PSORS1C1: variants seen among roughly 807,000 people sequenced by gnomAD.
PSORS1C1 encodes the protein psoriasis susceptibility 1 candidate gene 1 protein.
Under a neutral mutation model 9.4 loss-of-function variants are expected in PSORS1C1, and 7 were observed. That is an observed-to-expected ratio of 0.75 (90% CI 0.42 to 1.40). The LOEUF (loss-of-function observed/expected upper bound fraction) is 1.40, where lower values mean the gene tolerates loss of function less well. PSORS1C1 is among the 40% of genes most tolerant of loss of function. PSORS1C1 has a pLI of 0.01. For missense variants in PSORS1C1, 146 were observed against 178.1 expected (o/e 0.82, Z 1.02); for synonymous variants, 63 against 69.4 (o/e 0.91, Z 0.46).
chr6:31,128,498 G>A lies in PSORS1C1; in HGVS notation c.-64-1071G>A, dbSNP rs943250870. Reference sequence around the variant, plus strand: ...CCTGCCTGCCCCCATCACAGGAGTTGAGATTATACTGCAAAAGGAAAGGTG... The same window carrying A: ...CCTGCCTGCCCCCATCACAGGAGTTAAGATTATACTGCAAAAGGAAAGGTG... On this transcript the variant is annotated intron_variant, in intron 2 of 5. Transcript: ENST00000259881. This position sits in a 1 kb window ranked among gnomAD's most constrained non-coding sequence, Gnocchi z 4.3. 1.1e-4 allele frequency among the ~76,000 whole-genome samples: 17 copies of A among 152,042 alleles called. No individual in the cohort carries two copies. The highest frequency in any genetic ancestry group is 2.1e-4 in the Non-Finnish European group (14 of 68,008).
chr6:31,120,745 C>T (rs901267715), intron 1 of PSORS1C1, among the ~76,000 whole-genome samples: 8 of 152,152 alleles, frequency 5.3e-5, no homozygotes, highest in African/African-American at 1.7e-4. Flanking sequence ...CACTCTGGGG[C>T]GGCCACTCTT....
At position 31,139,209 on chromosome 6, in the gene PSORS1C1, C is replaced by T. The variant is rs1363430173; in HGVS notation, c.167+430C>T. The T allele has an allele frequency of 3.3e-6, 2 of 600,086 alleles. No homozygotes were observed. The highest frequency in any genetic ancestry group is 5.9e-6 in the Non-Finnish European group (2 of 337,640). 37.2% of individuals were successfully genotyped at this position (600,086 alleles called of 1,614,324 possible). On this transcript the variant is annotated intron_variant, in intron 5 of 5. Transcript: ENST00000259881. This position sits in a 1 kb window ranked among gnomAD's most constrained non-coding sequence, Gnocchi z 5.2. ...ATGTGTCACCCCTGAAGGTGGCGTC[C>T]CTTATTTTAGTCCTCCAGCCCAGGA...
At chr6:31,127,818 A>AC (rs1772749400) in intron 2 of PSORS1C1, among the ~76,000 whole-genome samples, 1 of 115,152 alleles carries the variant, frequency 8.7e-6, no homozygotes, top group African/African-American at 3.6e-5. Context: ...CTGTCTCAAA[A>AC]AAACACACAT....
intron 1 of PSORS1C1, chr6:31,116,473 C>T (rs1472190541): frequency 1.2e-6 from 2 of 1,602,186 alleles, no homozygotes; most frequent in Non-Finnish European, 1.7e-6. Context: ...GGAGCCGCCT[C>T]CACAGAGCTG....
chr6:31,124,986 A>G (rs3094201), intron 1 of PSORS1C1, among the ~76,000 whole-genome samples: 78,085 of 151,460 alleles, frequency 0.52, 21,323 homozygotes, highest in African/African-American at 0.69. Context: ...AAAGTGAAGA[A>G]TTCTTAAGTG....
At chr6:31,123,481 G>T (rs1243474989) in intron 1 of PSORS1C1, among the ~76,000 whole-genome samples, 2 of 152,218 alleles carry the variant, frequency 1.3e-5, no homozygotes, top group African/African-American at 2.4e-5. Context: ...TGCCAGTTTG[G>T]TGACGTCCAC....
chr6:31,116,959 C>T (rs1276856810), intron 1 of PSORS1C1: 2 of 1,614,186 alleles, frequency 1.2e-6, no homozygotes, highest in South Asian at 1.1e-5. Flanking sequence ...GATGTCCGAA[C>T]TACAGGGACG....
At position 31,128,427 on chromosome 6, in the gene PSORS1C1, C is replaced by T. The variant is rs913655127; in HGVS notation, c.-64-1142C>T. Among the ~76,000 whole-genome samples, 1 of 152,076 alleles carries T rather than the reference C, an allele frequency of 6.6e-6. No individual in the cohort carries two copies. Among genetic ancestry groups the T allele is most frequent in the Admixed American group, 6.6e-5 (1 of 15,250 alleles). On this transcript the variant is annotated intron_variant, in intron 2 of 5. Transcript: ENST00000259881. This position sits in a 1 kb window ranked among gnomAD's most constrained non-coding sequence, Gnocchi z 4.3. ...ACATAGAGAACGAATGGCTAAGTAG[C>T]GACAAGAACCCAAGTCACAGTCTGT...
At chr6:31,120,347 G>C (rs551570520) in intron 1 of PSORS1C1, 2 of 1,585,028 alleles carry the variant, frequency 1.3e-6, no homozygotes, top group Non-Finnish European at 1.7e-6. Context: ...GGCAGGAGGA[G>C]ACCAGCCAGC....
At chr6:31,126,849 G>C (rs1772701626) in intron 2 of PSORS1C1, among the ~76,000 whole-genome samples, 1 of 141,160 alleles carries the variant, frequency 7.1e-6, no homozygotes, top group South Asian at 2.4e-4. Flanking sequence ...TAGGGCAGTC[G>C]CTCCCTGGCC....
Position 31,128,479 on chromosome 6 carries a change from T to C in PSORS1C1, c.-64-1090T>C, listed in dbSNP as rs1188975875. 6.6e-6 allele frequency among the ~76,000 whole-genome samples: 1 copy of C among 151,798 alleles called. No homozygotes were observed. The highest frequency in any genetic ancestry group is 1.5e-5 in the Non-Finnish European group (1 of 68,000). The stretch of plus-strand genomic sequence containing the variant: ...GATCTCACTACCATGCTATCCTGCC[T>C]GCCCCCATCACAGGAGTTGAGATTA... On this transcript the variant is annotated intron_variant, in intron 2 of 5. Coordinates refer to ENST00000259881, the MANE Select transcript of PSORS1C1 (RefSeq NM_014068.3). This position sits in a 1 kb window ranked among gnomAD's most constrained non-coding sequence, Gnocchi z 4.3.
Position 31,139,508 on chromosome 6 carries a change from A to C in PSORS1C1, c.168-133A>C. ...TTCAAACCTGGGATGCAGCTGGGACAGTGTCAGCTACTACCCCAGCCTCCC... is the reference window on the plus strand; with the variant it reads ...TTCAAACCTGGGATGCAGCTGGGACCGTGTCAGCTACTACCCCAGCCTCCC... On this transcript the variant is annotated intron_variant, in intron 5 of 5. Transcript: ENST00000259881. The surrounding 1 kb of genome is among the most constrained non-coding windows in gnomAD (Gnocchi z 5.2). 1 of 776,794 alleles carries C rather than the reference A, an allele frequency of 1.3e-6. No homozygotes were observed. 48.1% of individuals were successfully genotyped at this position (776,794 alleles called of 1,614,324 possible).
intron 1 of PSORS1C1, chr6:31,120,406 C>T (rs747213653): frequency 5.0e-6 from 8 of 1,588,128 alleles, no homozygotes; most frequent in African/African-American, 2.7e-5. Flanking sequence ...CCAGGGTGCC[C>T]GAGACGAGCC....
chr6:31,120,716 G>T (rs1010971414), intron 1 of PSORS1C1, among the ~76,000 whole-genome samples: 1 of 152,062 alleles, frequency 6.6e-6, no homozygotes, highest in Non-Finnish European at 1.5e-5. Context: ...GGAACCAGGC[G>T]CTCTGCCCCA....
At chr6:31,126,880 C>T (rs1247513487) in intron 2 of PSORS1C1, among the ~76,000 whole-genome samples, 2 of 152,184 alleles carry the variant, frequency 1.3e-5, no homozygotes, top group Non-Finnish European at 2.9e-5. Context: ...TGGCTGTTTC[C>T]GTCACACCCT....
At chr6:31,138,240 G>A in intron 3 of PSORS1C1, 190 bp from the exon 4 acceptor site, 1 of 1,567,900 alleles carries the variant, frequency 6.4e-7, no homozygotes, top group Non-Finnish European at 8.6e-7. Flanking sequence ...AGGCAATGTT[G>A]GGGAGCCTGC....
chr6:31,122,241 A>G (rs1208417352), intron 1 of PSORS1C1, among the ~76,000 whole-genome samples: 2 of 152,184 alleles, frequency 1.3e-5, no homozygotes, highest in African/African-American at 2.4e-5. Flanking sequence ...GAAATTATCA[A>G]AAAGGTTAAA....
Position 31,140,001 on chromosome 6 carries a change from A to G in PSORS1C1, c.*69A>G. On this transcript the variant is annotated 3_prime_UTR_variant, in exon 6 of 6. Coordinates refer to ENST00000259881, the MANE Select transcript of PSORS1C1 (RefSeq NM_014068.3). The surrounding 1 kb of genome is among the most constrained non-coding windows in gnomAD (Gnocchi z 4.6). ...CTGCCTGGAAGTCTGTTAGCCTTTC[A>G]GAAGTAACATGTCCAAAATAAAATT... 7.0e-7 allele frequency: 1 copy of G among 1,433,354 alleles called. No homozygotes were observed. Among genetic ancestry groups the G allele is most frequent in the Non-Finnish European group, 9.6e-7 (1 of 1,036,478 alleles). The allele number at this position is 1,433,354 out of a possible 1,614,324, so 88.8% of individuals were successfully genotyped here.
At chr6:31,129,534 C>G in intron 2 of PSORS1C1, 35 bp from the exon 3 acceptor site, 1 of 766,774 alleles carries the variant, frequency 1.3e-6, no homozygotes, top group East Asian at 2.4e-5. Context: ...CATGCCTCCC[C>G]CTTCTCTTTC....
Sources: gnomAD v4.1 joint callset for allele counts (sites outside exome capture counted in the v4.1 genomes callset) on GRCh38, gnomAD v4.1.1 for gene constraint, Gnocchi (gnomAD v3.1) non-coding constraint, MANE v1.5 for transcripts, NCBI Gene and HGNC (gene_info 2026-07-23, HGNC 2026-07-21) for gene names.